Variants in CCNK observed in about 807,000 individuals in gnomAD.
CCNK encodes cyclin K.
Under a neutral mutation model 65.0 loss-of-function variants are expected in CCNK, and 9 were observed. That is an observed-to-expected ratio of 0.14 (90% CI 0.08 to 0.24). The LOEUF (loss-of-function observed/expected upper bound fraction) is 0.24, where lower values mean the gene tolerates loss of function less well. Among genes scored for constraint, CCNK ranks in the 10% least tolerant of loss-of-function variants. The probability of loss-of-function intolerance (pLI) is 1.00; values close to 1 mark genes in which losing one functional copy is unlikely to be tolerated. For synonymous variants in CCNK, 279 were observed against 270.8 expected (o/e 1.03, Z -0.30); for missense variants, 474 against 720.0 (o/e 0.66, Z 3.91).
chr14:99,501,307 T>C, intron 5 of CCNK, 49 bp from the exon 6 acceptor site: 1 of 1,176,476 alleles, frequency 8.5e-7, no homozygotes, highest in Non-Finnish European at 1.3e-6. Flanking sequence ...TGATGCTGCC[T>C]GTGAATTTTT....
chr14:99,492,926 C>G, intron 2 of CCNK, 52 bp downstream of exon 2: 2 of 1,400,262 alleles, frequency 1.4e-6, no homozygotes, highest in Non-Finnish European at 1.9e-6. Flanking sequence ...CACTCACCAC[C>G]AAGAAATAAT....
At position 99,493,133 on chromosome 14, in the gene CCNK, T is replaced by G. The variant is rs1896629424; in HGVS notation, c.197+259T>G. 14 of 477,776 alleles carry G rather than the reference T, an allele frequency of 2.9e-5. No homozygotes were observed. In the East Asian group the frequency reaches 5.2e-4, roughly 18 times the overall value. The allele number at this position is 477,776 out of a possible 1,614,324, so 29.6% of individuals were successfully genotyped here. ...GGATCACAGTTGAGGCTGGGCACAG[T>G]GGCTCATGCCTGTAATCCCAGCACT... On this transcript the variant is annotated intron_variant, in intron 2 of 10. Coordinates refer to ENST00000389879, the MANE Select transcript of CCNK (RefSeq NM_001099402.2).
At position 99,510,413 on chromosome 14, in the gene CCNK, C is replaced by T. The variant is rs757619350; in HGVS notation, c.1374C>T (p.Tyr458=). The T allele has an allele frequency of 2.1e-5, 32 of 1,552,794 alleles. No homozygotes were observed. The highest frequency in any genetic ancestry group is 2.6e-5 in the Non-Finnish European group (30 of 1,149,236). ...TGATGAAGACCGAGGGACCCTCCTA[C>T]GGTGCCCTGCCCCCCGCCTACGGCC... ...QSMMKTEGPS[Y]GALPPAYGPP... is the part of the protein sequence containing the mutation. Residue 458 remains tyrosine (Y), a synonymous_variant, in exon 11 of 11, where the codon TAC becomes TAT. Transcript: ENST00000389879.
rs1455931499 is a variant in CCNK, at chr14:99,507,146, A to G, written c.1116A>G (p.Pro372=). 5 of 1,595,458 alleles carry G rather than the reference A, an allele frequency of 3.1e-6. No homozygotes were observed. Among genetic ancestry groups the G allele is most frequent in the Non-Finnish European group, 4.3e-6 (5 of 1,163,300 alleles). The part of the protein sequence containing the change: ...HPPLPPAHPP[P]DRKPPLAAAL... ...CGTTGCCTCCAGCCCACCCACCTCC[A>G]GGTAAGCATCTGCTGAAGCAGCTTG... The change falls in exon 10 of 11, where the codon CCA becomes CCG. Residue 372 remains proline (P), a splice_region_variant and synonymous_variant. Coordinates refer to ENST00000389879, the MANE Select transcript of CCNK (RefSeq NM_001099402.2).
chr14:99,482,055 G>A (rs983308289), intron 1 of CCNK, among the ~76,000 whole-genome samples: 90 of 152,304 alleles, frequency 5.9e-4, no homozygotes, highest in Non-Finnish European at 1.2e-3. Context: ...TGTTATGAGA[G>A]AAATTGTTCT....
chr14:99,490,138 C>A (rs897611178), intron 1 of CCNK, among the ~76,000 whole-genome samples: 20 of 152,168 alleles, frequency 1.3e-4, no homozygotes, highest in Non-Finnish European at 5.9e-5. Flanking sequence ...TCCACAATTT[C>A]TTTGATATCT....
intron 4 of CCNK, chr14:99,500,534 C>T (rs1384832480): frequency 4.4e-6 from 2 of 453,456 alleles, no homozygotes; most frequent in Admixed American, 8.0e-5. Flanking sequence ...CTTTTGTTTT[C>T]AGTATTTTTT....
intron 1 of CCNK, among the ~76,000 whole-genome samples, chr14:99,486,104 C>A (rs1433264013): frequency 2.0e-5 from 3 of 151,410 alleles, no homozygotes; most frequent in Admixed American, 1.3e-4. Context: ...CTCTAATAAA[C>A]AACTAATCAC....
At chr14:99,490,845 G>A (rs544902437) in intron 1 of CCNK, among the ~76,000 whole-genome samples, 1 of 150,896 alleles carries the variant, frequency 6.6e-6, no homozygotes, top group South Asian at 2.1e-4. Context: ...GGAGAATGGC[G>A]TAAACCCAGG....
intron 3 of CCNK, chr14:99,494,146 C>G (rs1896650843): frequency 6.6e-6 from 1 of 151,756 alleles, no homozygotes; most frequent in African/African-American, 2.5e-5. Context: ...GAAGAAGGTG[C>G]CAGCATTAAG....
intron 1 of CCNK, among the ~76,000 whole-genome samples, chr14:99,482,104 G>C (rs934836120): frequency 2.0e-5 from 3 of 152,220 alleles, no homozygotes; most frequent in African/African-American, 7.2e-5. Flanking sequence ...TTATGTGACA[G>C]CTCCTAAACG....
chr14:99,510,891 C>G lies in CCNK; in HGVS notation c.*109C>G. 1.0e-6 allele frequency: 1 copy of G among 975,094 alleles called. No homozygotes were observed. The highest frequency in any genetic ancestry group is 1.4e-6 in the Non-Finnish European group (1 of 733,532). The allele number at this position is 975,094 out of a possible 1,614,324, so 60.4% of individuals were successfully genotyped here. On this transcript the variant is annotated 3_prime_UTR_variant, in exon 11 of 11. Coordinates refer to ENST00000389879, the MANE Select transcript of CCNK (RefSeq NM_001099402.2). Reference sequence around the variant, plus strand: ...TACCTTGTATAATGCACGACAGTTGCAGTATGGGAAGAATGGACCGGGCCC... The same window carrying G: ...TACCTTGTATAATGCACGACAGTTGGAGTATGGGAAGAATGGACCGGGCCC...
intron 6 of CCNK, chr14:99,501,736 G>A (rs1421578543): frequency 6.4e-6 from 2 of 311,282 alleles, no homozygotes; most frequent in Non-Finnish European, 1.2e-5. Flanking sequence ...ATACTTCCTG[G>A]TATAGTTTTA....
At chr14:99,503,042 T>C (rs1263895757) in intron 8 of CCNK, 58 bp downstream of exon 8, 1 of 1,563,938 alleles carries the variant, frequency 6.4e-7, no homozygotes, top group Non-Finnish European at 8.8e-7. Flanking sequence ...CGGCAACACC[T>C]GAGCACTGTT....
At chr14:99,481,914 C>T (rs1047665971) in intron 1 of CCNK, among the ~76,000 whole-genome samples, 2 of 152,212 alleles carry the variant, frequency 1.3e-5, no homozygotes, top group Admixed American at 1.3e-4. Flanking sequence ...CTAGGGTACT[C>T]CGACTTTGGA....
chr14:99,493,913 A>T, intron 3 of CCNK: 1 of 226,844 alleles, frequency 4.4e-6, no homozygotes, highest in Non-Finnish European at 8.7e-6. Flanking sequence ...AAAATGGAAC[A>T]GAAGTTGTCT....
intron 8 of CCNK, 115 bp from the exon 9 acceptor site, chr14:99,503,496 C>T: frequency 1.2e-6 from 1 of 820,502 alleles, no homozygotes; most frequent in Non-Finnish European, 2.0e-6. Context: ...TAATTTTTGT[C>T]CGAGGCTGTT....
chr14:99,502,143 T>A, intron 6 of CCNK, 64 bp from the exon 7 acceptor site: 1 of 1,484,946 alleles, frequency 6.7e-7, no homozygotes, highest in African/African-American at 1.4e-5. Context: ...GGCATCTCCA[T>A]GCACTGGTTT....
In CCNK at chr14:99,510,246, C is replaced by A. The variant is rs747181950; in HGVS notation, c.1207C>A (p.Pro403Thr). 1.3e-6 allele frequency: 2 copies of A among 1,581,612 alleles called. No homozygotes were observed. The highest frequency in any genetic ancestry group is 2.3e-5 in the East Asian group (1 of 43,580). ...TGACCTCCCCAAAGTCCAGATTCCCCCTCCGGCCCACCCGGCCCCTGTGCA... is the reference window on the plus strand; with the variant it reads ...TGACCTCCCCAAAGTCCAGATTCCCACTCCGGCCCACCCGGCCCCTGTGCA... The part of the protein sequence containing the change: ...ATDLPKVQIP[P>T]PAHPAPVHQP... The change falls in exon 11 of 11, where the codon CCT becomes ACT. Residue 403 changes from proline to threonine, a missense_variant. By Grantham distance (38) the Pro-to-Thr change is conservative (BLOSUM62 -1). Coordinates refer to ENST00000389879, the MANE Select transcript of CCNK (RefSeq NM_001099402.2).
Sources: gnomAD v4.1 joint callset for allele counts (sites outside exome capture counted in the v4.1 genomes callset) on GRCh38, gnomAD v4.1.1 for gene constraint, MANE v1.5 for transcripts, NCBI Gene and HGNC (gene_info 2026-07-23, HGNC 2026-07-21) for gene names.